The following FLT1 variants were observed in gnomAD, a reference collection of about 807,000 sequenced individuals.
FLT1 encodes the protein vascular endothelial growth factor receptor 1.
A neutral mutation model predicts 156.3 loss-of-function variants in FLT1; 49 were observed. The observed-to-expected ratio is 0.31, with a 90% CI of 0.25 to 0.40. FLT1 has a LOEUF of 0.40. Ranked by LOEUF, FLT1 falls within the 10% of genes least tolerant of loss-of-function variation. The pLI is 1.00. For missense variants in FLT1, 1,322 were observed against 1,637.2 expected, an observed-to-expected ratio of 0.81 and a Z score of 3.32; for synonymous variants, 594 against 583.8, an observed-to-expected ratio of 1.02 and a Z score of -0.25.
chr13:28,340,200 G>A (rs1298834015), intron 16 of FLT1, among the ~76,000 whole-genome samples: 2 of 150,576 alleles, frequency 1.3e-5, no homozygotes, highest in African/African-American at 4.9e-5. Flanking sequence ...GGGCGACAGA[G>A]CGAGACTCTG....
intron 1 of FLT1, among the ~76,000 whole-genome samples, chr13:28,493,277 TCAAAA>T (rs1881566682): frequency 6.6e-6 from 1 of 152,238 alleles, no homozygotes; most frequent in African/African-American, 2.4e-5. Flanking sequence ...AAGTGACTTT[TCAAAA>T]CAAAAAATGT....
rs544114066 is a variant in FLT1, at chr13:28,418,348, C to T, written c.1436+8811G>A. Among the ~76,000 whole-genome samples the T allele has an allele frequency of 2.6e-5, 4 of 152,256 alleles. No individual in the cohort carries two copies. The South Asian group carries it at 8.3e-4, about 32-fold the overall frequency. ...CCTATTTGCTGCTCGTCTTTTTCTC[C>T]TTTCCTCTCCCATCCTCTGCTCAAC... On this transcript the variant is annotated intron_variant, in intron 10 of 29. Transcript: ENST00000282397.
intron 6 of FLT1, among the ~76,000 whole-genome samples, chr13:28,432,111 C>T (rs1330309163): frequency 6.7e-6 from 1 of 148,534 alleles, no homozygotes; most frequent in Admixed American, 6.7e-5. Flanking sequence ...TTGCCGTCTC[C>T]TTTTTTTTTT....
chr13:28,487,680 A>G (rs1881240270), intron 1 of FLT1, among the ~76,000 whole-genome samples: 1 of 152,168 alleles, frequency 6.6e-6, no homozygotes, highest in Admixed American at 6.5e-5. Context: ...GCAGCGGCAC[A>G]ATGCAGCGAG....
rs1239048274 is a variant in FLT1 at position 28,390,530 on chromosome 13, G to A, written c.1661-426C>T. Among the ~76,000 whole-genome samples the A allele has an allele frequency of 9.9e-5, 15 of 152,124 alleles. 1 individual carries two copies. ...CCTGCCTCAGCTTCTAGAGTAGCTG[G>A]AATTACAGGCGTGCATCACCACGCT... is the stretch of plus-strand genomic sequence containing the variant. On this transcript the variant is annotated intron_variant, in intron 12 of 29. Coordinates refer to ENST00000282397, the MANE Select transcript of FLT1 (RefSeq NM_002019.4).
Position 28,431,103 on chromosome 13 carries a change from T to G in FLT1, c.988+33A>C, listed in dbSNP as rs373639042. On this transcript the variant is annotated intron_variant, in intron 7 of 29. Transcript: ENST00000282397. ...AGACATCTACAATGATTAGAAAGCATAGCATGAGTTGGCAACGCTGAACTA... is the reference window on the plus strand; with the variant it reads ...AGACATCTACAATGATTAGAAAGCAGAGCATGAGTTGGCAACGCTGAACTA... The G allele has an allele frequency of 5.8e-6, 9 of 1,564,398 alleles. No individual in the cohort carries two copies. In the Admixed American group the frequency reaches 1.0e-4, roughly 17 times the overall value.
chr13:28,388,087 T>C, intron 13 of FLT1: 1 of 1,057,364 alleles, frequency 9.5e-7, no homozygotes, highest in Non-Finnish European at 1.1e-6. Flanking sequence ...ATTAAGGCAT[T>C]GTTTCCTGAA....
chr13:28,483,650 A>G (rs1332797656), intron 1 of FLT1, among the ~76,000 whole-genome samples: 4 of 152,184 alleles, frequency 2.6e-5, no homozygotes, highest in African/African-American at 9.6e-5. Context: ...GTCTATGTTA[A>G]AGGAATGATC....
intron 14 of FLT1, among the ~76,000 whole-genome samples, chr13:28,360,616 T>C (rs931971644): frequency 6.6e-6 from 1 of 152,130 alleles, no homozygotes; most frequent in Non-Finnish European, 1.5e-5. Flanking sequence ...TGATTTCACT[T>C]ATATGTGGAA....
chr13:28,405,756 A>G (rs1456536950), intron 11 of FLT1, 24 bp downstream of exon 11: 1 of 1,173,936 alleles, frequency 8.5e-7, no homozygotes, highest in Non-Finnish European at 1.3e-6. Flanking sequence ...TAAATATCCC[A>G]GTGCGCATTT....
intron 10 of FLT1, among the ~76,000 whole-genome samples, chr13:28,408,635 G>T (rs142659894): frequency 3.9e-5 from 6 of 152,136 alleles, no homozygotes; most frequent in African/African-American, 1.4e-4. Flanking sequence ...TGTCTTGAGG[G>T]GGGAGGAAGC....
intron 16 of FLT1, among the ~76,000 whole-genome samples, chr13:28,343,456 T>G (rs573260500): frequency 6.8e-6 from 1 of 147,428 alleles, no homozygotes; most frequent in African/African-American, 2.5e-5. Context: ...CCTGCCACCA[T>G]GCCCAGCTAA....
chr13:28,417,639 T>A (rs1876732378), intron 10 of FLT1, among the ~76,000 whole-genome samples: 1 of 150,312 alleles, frequency 6.7e-6, no homozygotes, highest in Non-Finnish European at 1.5e-5. Flanking sequence ...AATCTCTTTT[T>A]AAAAATTAAA....
chr13:28,409,878 AC>A (rs1876043155), intron 10 of FLT1, among the ~76,000 whole-genome samples: 1 of 149,502 alleles, frequency 6.7e-6, no homozygotes, highest in African/African-American at 2.5e-5. Flanking sequence ...TTTTTTAGCT[AC>A]TTTTGCATAA....
chr13:28,308,692 T>C, intron 28 of FLT1, 151 bp downstream of exon 28: 1 of 696,998 alleles, frequency 1.4e-6, no homozygotes, highest in South Asian at 1.5e-5. Context: ...CTAGGTCTAG[T>C]TGTCAGTCCT....
intron 12 of FLT1, among the ~76,000 whole-genome samples, chr13:28,393,156 A>G (rs1164234990): frequency 6.6e-6 from 1 of 152,212 alleles, no homozygotes; most frequent in Non-Finnish European, 1.5e-5. Flanking sequence ...CTAACATATT[A>G]TCACATCCAT....
chr13:28,348,780 G>C (rs1171764286), intron 15 of FLT1, among the ~76,000 whole-genome samples: 7 of 152,156 alleles, frequency 4.6e-5, no homozygotes. Context: ...ATGGTGGCAG[G>C]CGCCTGTAGT....
intron 4 of FLT1, 124 bp from the exon 5 acceptor site, chr13:28,434,344 G>A: frequency 1.1e-6 from 1 of 937,736 alleles, no homozygotes; most frequent in Non-Finnish European, 1.6e-6. Flanking sequence ...TTTGTAGTTT[G>A]CTTATAACAA....
At chr13:28,314,655 T>G (rs887076761) in intron 25 of FLT1, among the ~76,000 whole-genome samples, 1 of 152,198 alleles carries the variant, frequency 6.6e-6, no homozygotes, top group Admixed American at 6.5e-5. Flanking sequence ...AGAATCCCAG[T>G]TCTGAGAAGC....
Sources: allele counts gnomAD v4.1 joint callset (sites outside exome capture counted in the v4.1 genomes callset), GRCh38; gene constraint gnomAD v4.1.1; transcripts MANE v1.5; gene names NCBI Gene and HGNC (gene_info 2026-07-23, HGNC 2026-07-21).